CACNG5: variants seen among roughly 807,000 people sequenced by gnomAD.
CACNG5 encodes the protein calcium voltage-gated channel auxiliary subunit gamma 5, also known as voltage-dependent calcium channel gamma-5 subunit.
A neutral mutation model predicts 24.8 loss-of-function variants in CACNG5; 18 were observed. That is an observed-to-expected ratio of 0.73 (90% CI 0.50 to 1.08). The LOEUF is 1.08. Among genes scored for constraint, CACNG5 ranks in the 50% least tolerant of loss-of-function variants. CACNG5 has a pLI of 0.00. For missense variants in CACNG5, 349 were observed against 367.9 expected (o/e 0.95, Z 0.42); for synonymous variants, 157 against 149.1 (o/e 1.05, Z -0.39).
rs774953948 is a variant in CACNG5 at position 66,880,740 on chromosome 17, G to GT, written c.424+49dup. The GT allele has an allele frequency of 8.1e-6, 13 of 1,598,898 alleles. No individual in the cohort carries two copies. The Admixed American group carries it at 8.6e-5, about 11-fold the overall frequency. On this transcript the variant is annotated intron_variant, in intron 4 of 5. Coordinates refer to ENST00000533854, the MANE Select transcript of CACNG5 (RefSeq NM_145811.3). ...CTTTTCTTGCACCCTGGAATTTTTTGTTTTTTGTTTTTTGTTTTTGAGACA... is the reference window on the plus strand; with the variant it reads ...CTTTTCTTGCACCCTGGAATTTTTTGTTTTTTTGTTTTTTGTTTTTGAGACA...
chr17:66,885,180 CA>C lies in CACNG5; in HGVS notation c.770del (p.Asn257ThrfsTer50). The C allele has an allele frequency of 6.2e-7, 1 of 1,610,792 alleles. No homozygotes were observed. The highest frequency in any genetic ancestry group is 8.5e-7 in the Non-Finnish European group (1 of 1,179,786). ...GCGAGGCCTCCCTGCAGATGAACAG[CA>C]ACTACCCCGCCTTGCTCAAGTGCCC... Reference protein sequence around the residue: ...SSEASLQMNSNYPALLKCPDY... With the variant: ...SSEASLQMNSXYPALLKCPDY... On this transcript the variant is annotated frameshift_variant, in exon 6 of 6. Coordinates refer to ENST00000533854, the MANE Select transcript of CACNG5 (RefSeq NM_145811.3). LOFTEE classifies it high-confidence loss of function.
chr17:66,855,519 G>A (rs1976762876), intron 1 of CACNG5, among the ~76,000 whole-genome samples: 1 of 152,170 alleles, frequency 6.6e-6, no homozygotes, highest in Non-Finnish European at 1.5e-5. Context: ...AAATTAAAAA[G>A]TTGTGCATAT....
Position 66,889,061 on chromosome 17 carries a change from AG to A in CACNG5, c.*3822del, listed in dbSNP as rs1264814250. 6.6e-6 allele frequency among the ~76,000 whole-genome samples: 1 copy of A among 152,078 alleles called. No homozygotes were observed. The highest frequency in any genetic ancestry group is 1.5e-5 in the Non-Finnish European group (1 of 67,998). On this transcript the variant is annotated 3_prime_UTR_variant, in exon 6 of 6. Coordinates refer to ENST00000533854, the MANE Select transcript of CACNG5 (RefSeq NM_145811.3). ...CTGCAACCTCTGCTTCCTGGGCTCA[AG>A]CAATTCTCCTGCCTCAGCCTCCCAA...
chr17:66,854,923 C>T (rs1019594154), intron 1 of CACNG5, among the ~76,000 whole-genome samples: 7 of 152,206 alleles, frequency 4.6e-5, no homozygotes, highest in Admixed American at 6.5e-5. Flanking sequence ...CCCATATCAC[C>T]GGCAATCATA....
In CACNG5 at chr17:66,887,502, G is replaced by A. The variant is rs368308553; in HGVS notation, c.*2262G>A. 1.4e-4 allele frequency among the ~76,000 whole-genome samples: 21 copies of A among 152,218 alleles called. No homozygotes were observed. The South Asian group carries it at 2.3e-3, about 17-fold the overall frequency. ...ATACCAAAACCATGTTCTCCTCACC[G>A]CAAAGTAAAGGAATCAGTTTTTGTG... On this transcript the variant is annotated 3_prime_UTR_variant, in exon 6 of 6. Transcript: ENST00000533854.
At chr17:66,858,121 T>C (rs1191623988) in intron 1 of CACNG5, among the ~76,000 whole-genome samples, 3 of 152,200 alleles carry the variant, frequency 2.0e-5, no homozygotes, top group Admixed American at 6.5e-5. Context: ...TGGGAGGTTC[T>C]GGGCTTTCTG....
rs1228138095 is a variant in CACNG5 at position 66,884,526 on chromosome 17, C to T, written c.435C>T (p.Leu145=). Reference sequence around the variant, plus strand: ...CTGCTGCCCAACCAGGCCTCTCTCTCGTGGTGGGCCTGGTGCTCTACATCT... The same window carrying T: ...CTGCTGCCCAACCAGGCCTCTCTCTTGTGGTGGGCCTGGTGCTCTACATCT... The part of the protein sequence containing the change: ...GIFFILSGLS[L]VVGLVLYISS... Residue 145 remains leucine (L), a synonymous_variant, in exon 5 of 6, where the codon CTC becomes CTT. Transcript: ENST00000533854. 3 of 1,610,442 alleles carry T rather than the reference C, an allele frequency of 1.9e-6. No individual in the cohort carries two copies. Among genetic ancestry groups the T allele is most frequent in the Non-Finnish European group, 2.5e-6 (3 of 1,177,794 alleles).
In CACNG5 at chr17:66,887,209, G is replaced by T. The variant is rs757898038; in HGVS notation, c.*1969G>T. Reference sequence around the variant, plus strand: ...GAGAAGGGTAAGAGAAGCCAGTTCTGGTCCCAATTCAGCCACTCATTCACC... The same window carrying T: ...GAGAAGGGTAAGAGAAGCCAGTTCTTGTCCCAATTCAGCCACTCATTCACC... On this transcript the variant is annotated 3_prime_UTR_variant, in exon 6 of 6. Transcript: ENST00000533854. Among the ~76,000 whole-genome samples, 12 of 152,094 alleles carry T rather than the reference G, an allele frequency of 7.9e-5. No homozygotes were observed. The highest frequency in any genetic ancestry group is 1.6e-4 in the Non-Finnish European group (11 of 68,006).
intron 1 of CACNG5, among the ~76,000 whole-genome samples, chr17:66,856,631 G>T (rs1052519301): frequency 6.8e-6 from 1 of 146,388 alleles, no homozygotes; most frequent in Non-Finnish European, 1.5e-5. Context: ...AATCTCCGCC[G>T]CCCAGGTTCA....
At chr17:66,854,154 G>A (rs149242447) in intron 1 of CACNG5, among the ~76,000 whole-genome samples, 113 of 152,296 alleles carry the variant, frequency 7.4e-4, no homozygotes, top group African/African-American at 2.6e-3. Context: ...AAAAGGCCGG[G>A]TGCGGTGGCT....
At position 66,838,933 on chromosome 17, in the gene CACNG5, C is replaced by A. The variant is rs996260885; in HGVS notation, c.-104+3683C>A. 2.1e-5 allele frequency among the ~76,000 whole-genome samples: 3 copies of A among 144,682 alleles called. No individual in the cohort carries two copies. In the South Asian group the frequency reaches 6.5e-4, roughly 32 times the overall value. 94.9% of individuals were successfully genotyped at this position (144,682 alleles called of 152,430 possible). The stretch of plus-strand genomic sequence containing the variant: ...GTGCTGGTCTCTATCCATGAGATGC[C>A]AGTAGCACCCCAGTCCCTCACCCAT... On this transcript the variant is annotated intron_variant, in intron 1 of 5. Coordinates refer to ENST00000533854, the MANE Select transcript of CACNG5 (RefSeq NM_145811.3).
intron 2 of CACNG5, among the ~76,000 whole-genome samples, chr17:66,878,304 G>T (rs1001829432): frequency 6.6e-6 from 1 of 152,248 alleles, no homozygotes; most frequent in Admixed American, 6.5e-5. Context: ...GGCTTTTCTT[G>T]GTAGGGGCTT....
rs1463358455 is a variant in CACNG5, at chr17:66,890,683, A to C, written c.*5443A>C. ...TGCTGGTTCAGAGGCCTGAGTTCTC[A>C]TCAGGTGCTGCTGCACCCTCTGTGT... On this transcript the variant is annotated 3_prime_UTR_variant, in exon 6 of 6. Transcript: ENST00000533854. Among the ~76,000 whole-genome samples the C allele has an allele frequency of 2.0e-5, 3 of 152,206 alleles. No individual in the cohort carries two copies. Among genetic ancestry groups the C allele is most frequent in the Non-Finnish European group, 4.4e-5 (3 of 68,038 alleles).
rs1347467753 is a variant in CACNG5 at position 66,886,121 on chromosome 17, C to T, written c.*881C>T. 2.0e-5 allele frequency among the ~76,000 whole-genome samples: 3 copies of T among 152,216 alleles called. No individual in the cohort carries two copies. Among genetic ancestry groups the T allele is most frequent in the Non-Finnish European group, 4.4e-5 (3 of 68,042 alleles). ...GTTTCTGGTCCTGGGGATACTGTCC[C>T]CTTACAAGGGTAATATTTCCGGACC... On this transcript the variant is annotated 3_prime_UTR_variant, in exon 6 of 6. Transcript: ENST00000533854.
Position 66,853,698 on chromosome 17 carries a change from G to A in CACNG5, c.-104+18448G>A, listed in dbSNP as rs145963094. On this transcript the variant is annotated intron_variant, in intron 1 of 5. Transcript: ENST00000533854. ...AAATCTATAAATATAATTGAAATAA[G>A]CACATTATTTCAATAAATGCAGAAA... 4.2e-4 allele frequency among the ~76,000 whole-genome samples: 64 copies of A among 152,188 alleles called. 2 individuals are homozygous for A. In the East Asian group the frequency reaches 0.01, roughly 24 times the overall value.
chr17:66,884,754 A>C, intron 5 of CACNG5, 93 bp downstream of exon 5: 1 of 1,613,866 alleles, frequency 6.2e-7, no homozygotes, highest in East Asian at 2.2e-5. Context: ...GGGACATTCC[A>C]CAACCATTTT....
At chr17:66,871,610 C>T (rs181869787) in intron 1 of CACNG5, among the ~76,000 whole-genome samples, 17 of 152,236 alleles carry the variant, frequency 1.1e-4, no homozygotes, top group African/African-American at 2.2e-4. Context: ...TGATAATTAG[C>T]GACTGTTAAT....
intron 2 of CACNG5, 151 bp from the exon 3 acceptor site, chr17:66,878,821 G>A: frequency 3.2e-6 from 2 of 617,590 alleles, no homozygotes; most frequent in Non-Finnish European, 5.7e-6. Context: ...ATGAGCCAGG[G>A]ACAGGACCCC....
chr17:66,841,586 C>G (rs1051312341), intron 1 of CACNG5, among the ~76,000 whole-genome samples: 2 of 152,106 alleles, frequency 1.3e-5, no homozygotes. Flanking sequence ...CAAGGAGAGC[C>G]GGGCAGGACA....
Sources: allele counts gnomAD v4.1 joint callset (sites outside exome capture counted in the v4.1 genomes callset), GRCh38; gene constraint gnomAD v4.1.1; transcripts MANE v1.5; gene names NCBI Gene and HGNC (gene_info 2026-07-23, HGNC 2026-07-21).